The following MYBBP1A variants were observed in gnomAD, a reference collection of about 807,000 sequenced individuals.
The protein encoded by MYBBP1A is myb-binding protein 1A.
A neutral mutation model predicts 136.3 loss-of-function variants in MYBBP1A; 147 were observed. That is an observed-to-expected ratio of 1.08 (90% CI 0.94 to 1.24). The LOEUF is 1.24. Among genes scored for constraint, MYBBP1A ranks in the 50% most tolerant of loss-of-function variants. The probability of loss-of-function intolerance (pLI) is 0.00; values close to 1 mark genes in which losing one functional copy is unlikely to be tolerated. For missense variants in MYBBP1A, 2,060 were observed against 1,727.4 expected (o/e 1.19, Z -3.41); for synonymous variants, 947 against 735.8 (o/e 1.29, Z -4.65).
At position 4,555,178 on chromosome 17, in the gene MYBBP1A, C is replaced by T. The variant is rs750063257; in HGVS notation, c.147G>A (p.Thr49=). The T allele has an allele frequency of 3.1e-6, 5 of 1,606,062 alleles. No homozygotes were observed. Among genetic ancestry groups the T allele is most frequent in the African/African-American group, 1.3e-5 (1 of 74,958 alleles). The change falls in exon 1 of 26, where the codon ACG becomes ACA. Residue 49 remains threonine, a synonymous_variant. Coordinates refer to ENST00000254718, the MANE Select transcript of MYBBP1A (RefSeq NM_014520.4). ...FWDIAKPEQE[T]RLAATEKLLE... ...GCAGCTTCTCCGTGGCCGCAAGTCGCGTCTCCTGCTCAGGCTTCGCAATGT... is the reference window on the plus strand; with the variant it reads ...GCAGCTTCTCCGTGGCCGCAAGTCGTGTCTCCTGCTCAGGCTTCGCAATGT...
rs755269882 is a variant in MYBBP1A, at chr17:4,543,888, T to TCCC, written c.2639+598_2639+600dup. On this transcript the variant is annotated intron_variant, in intron 19 of 25. Transcript: ENST00000254718. Reference sequence around the variant, plus strand: ...AAAAGGCAAACCAGACTCAGACCCTTCCCCACGCCACTGCTCTTGCTGATA... The same window carrying TCCC: ...AAAAGGCAAACCAGACTCAGACCCTTCCCCCCCACGCCACTGCTCTTGCTGATA... 2.6e-3 allele frequency among the ~76,000 whole-genome samples: 377 copies of TCCC among 142,550 alleles called. 1 individual carries two copies. The highest frequency in any genetic ancestry group is 0.01 in the African/African-American group (364 of 35,288). The allele number at this position is 142,550 out of a possible 152,430, so 93.5% of individuals were successfully genotyped here.
chr17:4,548,330 TG>T lies in MYBBP1A; in HGVS notation c.1557-21del. On this transcript the variant is annotated intron_variant, in intron 11 of 25. Transcript: ENST00000254718. The surrounding 1 kb of genome is among the most constrained non-coding windows in gnomAD (Gnocchi z 4.2). ...AACAGACTGGGCAAGGGATGGGGCT[TG>T]GGGTCAGCAGACCAGATGAGTCAAT... is the stretch of plus-strand genomic sequence containing the variant. 1 of 1,610,164 alleles carries T rather than the reference TG, an allele frequency of 6.2e-7. No individual in the cohort carries two copies. Among genetic ancestry groups the T allele is most frequent in the East Asian group, 2.2e-5 (1 of 44,862 alleles).
In MYBBP1A at chr17:4,550,096, G is replaced by A. The variant is rs1356927738; in HGVS notation, c.1281C>T (p.Thr427=). ...AATCCTGGGCTTTCTTCTGGTTGTT[G>A]GTGCTGAAGTCAACCAAGGAGTCCA... The part of the protein sequence containing the change: ...PDLDSLVDFS[T]NNQKKAQDSS... The change falls in exon 9 of 26, where the codon ACC becomes ACT. Residue 427 remains threonine, a synonymous_variant. Transcript: ENST00000254718. 2 of 1,613,688 alleles carry A rather than the reference G, an allele frequency of 1.2e-6. No individual in the cohort carries two copies. The highest frequency in any genetic ancestry group is 1.7e-6 in the Non-Finnish European group (2 of 1,179,752).
intron 10 of MYBBP1A, 87 bp downstream of exon 10, chr17:4,549,245 C>T: frequency 8.6e-7 from 1 of 1,162,432 alleles, no homozygotes; most frequent in Non-Finnish European, 1.2e-6. Context: ...GCTTCTGGCT[C>T]CAGGGGATGC....
chr17:4,554,216 A>T lies in MYBBP1A; in HGVS notation c.357T>A (p.Tyr119Ter), dbSNP rs751141282. Residue 119 changes from tyrosine to a stop codon, truncating the protein, a stop_gained, in exon 3 of 26, where the codon TAT (tyrosine) becomes TAA (stop). Coordinates refer to ENST00000254718, the MANE Select transcript of MYBBP1A (RefSeq NM_014520.4). LOFTEE classifies it high-confidence loss of function. ...CSILQQIQEK[Y>*]DLHQVKKAML... ...TCACCTTCTTCACCTGATGCAGGTC[A>T]TATTTTTCTTGTATCTGCTGCAGGA... The T allele has an allele frequency of 6.2e-7, 1 of 1,613,906 alleles. No homozygotes were observed. Among genetic ancestry groups the T allele is most frequent in the Non-Finnish European group, 8.5e-7 (1 of 1,180,010 alleles).
intron 13 of MYBBP1A, among the ~76,000 whole-genome samples, chr17:4,546,802 G>C (rs535951078): frequency 3.9e-5 from 6 of 152,274 alleles, no homozygotes; most frequent in Middle Eastern, 3.4e-3. Context: ...GCAGTCGGCA[G>C]CTTGAACGTT....
Position 4,541,819 on chromosome 17 carries a change from G to C in MYBBP1A, c.3160C>G (p.Gln1054Glu). 1 of 1,614,128 alleles carries C rather than the reference G, an allele frequency of 6.2e-7. No homozygotes were observed. Among genetic ancestry groups the C allele is most frequent in the Non-Finnish European group, 8.5e-7 (1 of 1,180,026 alleles). Residue 1054 changes from glutamine to glutamate, a missense_variant, in exon 23 of 26, where the codon CAG (glutamine) becomes GAG (glutamate). Transcript: ENST00000254718. ...RSCFEDPEWKQLMGQVLAKVT... is the reference protein window; with the variant it reads ...RSCFEDPEWKELMGQVLAKVT... ...TTTGCTAGGACCTGGCCCATCAGCT[G>C]CTTCCACTCGGGGTCCTCAAAGCAC...
chr17:4,539,367 C>A lies in MYBBP1A; in HGVS notation c.*48G>T, dbSNP rs769829037. ...TTTAAAAAAAAAAAAAAAAAATAGG[C>A]GTCTCAGGCAGATGGAGGCAGGGGC... On this transcript the variant is annotated 3_prime_UTR_variant, in exon 26 of 26. Transcript: ENST00000254718. 4 of 1,500,498 alleles carry A rather than the reference C, an allele frequency of 2.7e-6. No homozygotes were observed. The African/African-American group carries it at 4.3e-5, about 16-fold the overall frequency. 92.9% of individuals were successfully genotyped at this position (1,500,498 alleles called of 1,614,324 possible). A position where few individuals can be genotyped will look rare whatever the true frequency, so the allele number is the denominator to read the frequency against.
chr17:4,547,786 G>A (rs1487535418), intron 13 of MYBBP1A, 172 bp downstream of exon 13: 2 of 552,370 alleles, frequency 3.6e-6, no homozygotes, highest in Non-Finnish European at 6.3e-6. Flanking sequence ...GTGCCGCTAA[G>A]TGGCCGGAGG....
intron 5 of MYBBP1A, among the ~76,000 whole-genome samples, chr17:4,553,591 G>A (rs757822920): frequency 1.3e-5 from 2 of 152,214 alleles, no homozygotes; most frequent in Non-Finnish European, 2.9e-5. Context: ...AATGCACACT[G>A]AAATAATATT....
chr17:4,542,399 G>T, intron 22 of MYBBP1A, 65 bp downstream of exon 22: 1 of 1,515,892 alleles, frequency 6.6e-7, no homozygotes, highest in Non-Finnish European at 8.9e-7. Flanking sequence ...ACAATATCCA[G>T]TCAGAAGAGG....
chr17:4,554,112 C>T lies in MYBBP1A; in HGVS notation c.379-19G>A. The T allele has an allele frequency of 6.2e-7, 1 of 1,613,932 alleles. No individual in the cohort carries two copies. The stretch of plus-strand genomic sequence containing the variant: ...GCATTGCCTAGAAAAGGATTCCAGG[C>T]ACAGGCATGAGGGGCCCTGGAACTC... On this transcript the variant is annotated intron_variant, in intron 3 of 25. Transcript: ENST00000254718.
rs1347076871 is a variant in MYBBP1A at position 4,545,290 on chromosome 17, T to C, written c.2129A>G (p.Asp710Gly). Residue 710 changes from aspartate (D) to glycine (G), a missense_variant, in exon 16 of 26, where the codon GAT becomes GGT. Asp to Gly is a moderately conservative substitution (Grantham distance 94). Transcript: ENST00000254718. Reference protein sequence around the residue: ...DENDRVVVTDDSDERRLKGAE... With the variant: ...DENDRVVVTDGSDERRLKGAE... Reference sequence around the variant, plus strand: ...ACCCTTCAGCCGCCGCTCATCAGAATCGTCCGTCACCACCACACGGTCATT... The same window carrying C: ...ACCCTTCAGCCGCCGCTCATCAGAACCGTCCGTCACCACCACACGGTCATT... The C allele has an allele frequency of 1.2e-6, 2 of 1,610,750 alleles. No homozygotes were observed. The highest frequency in any genetic ancestry group is 1.7e-5 in the Admixed American group (1 of 59,824).
chr17:4,539,456 C>T lies in MYBBP1A; in HGVS notation c.3946G>A (p.Ala1316Thr), dbSNP rs764322847. Residue 1316 changes from alanine (A) to threonine (T), a missense_variant, in exon 26 of 26, where the codon GCC becomes ACC. Coordinates refer to ENST00000254718, the MANE Select transcript of MYBBP1A (RefSeq NM_014520.4). The part of the protein sequence containing the change: ...IRSPSLLQSG[A>T]KKKAQVRKAG... Reference sequence around the variant, plus strand: ...TTCCTCACCTGTGCTTTCTTCTTGGCCCCACTCTGAAGCAGGCTGGGACTC... The same window carrying T: ...TTCCTCACCTGTGCTTTCTTCTTGGTCCCACTCTGAAGCAGGCTGGGACTC... 2 of 1,614,032 alleles carry T rather than the reference C, an allele frequency of 1.2e-6. No homozygotes were observed. Among genetic ancestry groups the T allele is most frequent in the African/African-American group, 1.3e-5 (1 of 75,034 alleles).
In MYBBP1A at chr17:4,539,675, TGGGGCTCCGGGTG is replaced by T. The variant is rs1278367880; in HGVS notation, c.3714_3726del (p.Thr1239AlafsTer19). On this transcript the variant is annotated frameshift_variant, in exon 26 of 26. Transcript: ENST00000254718. LOFTEE classifies it low-confidence loss of function (END_TRUNC). ...AGTTTTGGGGATTTGGCAGGGGTGC[TGGGGCTCCGGGTG>T]GGGGCGCCAGGGGCTGGACTCTTGG... is the stretch of plus-strand genomic sequence containing the variant. The T allele has an allele frequency of 1.9e-6, 3 of 1,609,434 alleles. No homozygotes were observed. In the Admixed American group the frequency reaches 5.0e-5, roughly 27 times the overall value.
chr17:4,550,994 G>C (rs1396758945), intron 8 of MYBBP1A, among the ~76,000 whole-genome samples: 1 of 152,248 alleles, frequency 6.6e-6, no homozygotes, highest in East Asian at 1.9e-4. Context: ...CACAGCCCAA[G>C]CTGTTTTCCT....
Position 4,547,054 on chromosome 17 carries a change from G to A in MYBBP1A, c.1824+904C>T, listed in dbSNP as rs542748166. ...ACCCTCCTGAGTAGCTGGGATTACA[G>A]GCACCTGCCACCACACCTGGCTAAT... On this transcript the variant is annotated intron_variant, in intron 13 of 25. Coordinates refer to ENST00000254718, the MANE Select transcript of MYBBP1A (RefSeq NM_014520.4). Among the ~76,000 whole-genome samples, 7 of 152,188 alleles carry A rather than the reference G, an allele frequency of 4.6e-5. No homozygotes were observed. The South Asian group carries it at 1.5e-3, about 32-fold the overall frequency.
At position 4,548,164 on chromosome 17, in the gene MYBBP1A, T is replaced by G. The variant is rs1372276877; in HGVS notation, c.1703A>C (p.Gln568Pro). 6.2e-7 allele frequency: 1 copy of G among 1,605,196 alleles called. No individual in the cohort carries two copies. The highest frequency in any genetic ancestry group is 1.7e-5 in the Admixed American group (1 of 60,016). ...TCACCGGTCCCAGGCCTGGCGCTGC[T>G]GCGCAGTGAAGGGTGTCACGGTGGT... ...NVTTVTPFTA[Q>P]QRQAWDRMLQ... Residue 568 changes from glutamine (Q) to proline (P), a missense_variant, in exon 12 of 26, where the codon CAG becomes CCG. Transcript: ENST00000254718. The surrounding 1 kb of genome is among the most constrained non-coding windows in gnomAD (Gnocchi z 4.2).
chr17:4,542,931 G>A lies in MYBBP1A; in HGVS notation c.2874C>T (p.His958=), dbSNP rs201489209. 3 of 1,614,002 alleles carry A rather than the reference G, an allele frequency of 1.9e-6. No individual in the cohort carries two copies. Among genetic ancestry groups the A allele is most frequent in the East Asian group, 4.5e-5 (2 of 44,874 alleles). The change falls in exon 20 of 26, where the codon CAC becomes CAT. Residue 958 remains histidine (H), a synonymous_variant. Transcript: ENST00000254718. The part of the protein sequence containing the change: ...EKQKAGTDPS[H]MPTGPQAASC... ...TGCTCACCTGCGGGCCCGTGGGCATGTGGCTGGGGTCAGTGCCAGCTTTCT... is the reference window on the plus strand; with the variant it reads ...TGCTCACCTGCGGGCCCGTGGGCATATGGCTGGGGTCAGTGCCAGCTTTCT...
Sources: allele counts gnomAD v4.1 joint callset (sites outside exome capture counted in the v4.1 genomes callset), GRCh38; gene constraint gnomAD v4.1.1; non-coding constraint Gnocchi (gnomAD v3.1); transcripts MANE v1.5; gene names NCBI Gene and HGNC (gene_info 2026-07-23, HGNC 2026-07-21).